Variants in SNX25 observed in about 807,000 individuals in gnomAD.
The protein encoded by SNX25 is sorting nexin-25.
In SNX25, 62 loss-of-function variants were observed where a neutral mutation model predicts 113.7. That is an observed-to-expected ratio of 0.55 (90% CI 0.44 to 0.67). The LOEUF is 0.67. Among genes scored for constraint, SNX25 ranks in the 30% least tolerant of loss-of-function variants. The pLI, the probability that SNX25 is intolerant of heterozygous loss-of-function variation, is 0.00. For missense variants in SNX25, 1,014 were observed against 1,161.0 expected, an observed-to-expected ratio of 0.87 and a Z score of 1.84; for synonymous variants, 421 against 436.2, an observed-to-expected ratio of 0.97 and a Z score of 0.43.
intron 11 of SNX25, among the ~76,000 whole-genome samples, chr4:185,340,948 C>T (rs1481791556): frequency 2.6e-5 from 4 of 152,186 alleles, no homozygotes; most frequent in East Asian, 1.9e-4. Context: ...CTAGCTGACT[C>T]ATCAGAGGTG....
chr4:185,260,140 GT>G (rs1458909305), intron 3 of SNX25, among the ~76,000 whole-genome samples: 3 of 151,526 alleles, frequency 2.0e-5, no homozygotes, highest in African/African-American at 4.9e-5. Context: ...TTTTTTTAAC[GT>G]TTTTTTAAAA....
chr4:185,315,276 G>T (rs1188222383), intron 7 of SNX25, among the ~76,000 whole-genome samples: 2 of 145,470 alleles, frequency 1.4e-5, no homozygotes, highest in Admixed American at 6.9e-5. Context: ...TCCAGACTCA[G>T]ATCATTTCAC....
chr4:185,377,088 A>G, the SNX25 span: 3 of 1,105,848 alleles, frequency 2.7e-6, no homozygotes, highest in Non-Finnish European at 2.7e-6. Flanking sequence ...GTAATGAATC[A>G]TATAAAATCC....
At position 185,338,127 on chromosome 4, in the gene SNX25, A is replaced by G. The variant is rs182857952; in HGVS notation, c.1915-1252A>G. Among the ~76,000 whole-genome samples, 438 of 152,302 alleles carry G rather than the reference A, an allele frequency of 2.9e-3. 2 individuals are homozygous for G. Among genetic ancestry groups the G allele is most frequent in the Non-Finnish European group, 4.6e-3 (311 of 68,028 alleles). On this transcript the variant is annotated intron_variant, in intron 10 of 18. Coordinates refer to ENST00000652585, the MANE Select transcript of SNX25 (RefSeq NM_001378034.2). ...ATATTTCGTGGTTTGCATTTTTACT[A>G]TATCAATAGTGTTCTTTGATGCACA...
chr4:185,342,778 A>G (rs1469273933), intron 12 of SNX25, among the ~76,000 whole-genome samples: 1 of 152,206 alleles, frequency 6.6e-6, no homozygotes, highest in Non-Finnish European at 1.5e-5. Flanking sequence ...GGAGGCAGTA[A>G]GGTGCGGTGC....
chr4:185,258,635 A>G lies in SNX25; in HGVS notation c.515-213A>G, dbSNP rs182470335. On this transcript the variant is annotated intron_variant, in intron 2 of 18. Transcript: ENST00000652585. Reference sequence around the variant, plus strand: ...ATTTTAAAATAGGGCTCTGTAGGAAAATTTAGGACATGGTCACCATACCTA... The same window carrying G: ...ATTTTAAAATAGGGCTCTGTAGGAAGATTTAGGACATGGTCACCATACCTA... 2.0e-5 allele frequency among the ~76,000 whole-genome samples: 3 copies of G among 152,296 alleles called. No homozygotes were observed. In the East Asian group the frequency reaches 5.8e-4, roughly 29 times the overall value.
chr4:185,220,934 G>A (rs979161034), intron 1 of SNX25, among the ~76,000 whole-genome samples: 1 of 152,066 alleles, frequency 6.6e-6, no homozygotes, highest in Non-Finnish European at 1.5e-5. Flanking sequence ...CACAATCATG[G>A]CTCACCGCAG....
chr4:185,319,474 C>T (rs2095103148), intron 7 of SNX25, among the ~76,000 whole-genome samples: 1 of 149,860 alleles, frequency 6.7e-6, no homozygotes, highest in African/African-American at 2.5e-5. Context: ...GCTGGGATTA[C>T]AGTCGTGAGC....
At chr4:185,228,481 C>T (rs954779268) in intron 1 of SNX25, among the ~76,000 whole-genome samples, 4 of 151,652 alleles carry the variant, frequency 2.6e-5, no homozygotes, top group East Asian at 1.9e-4. Context: ...AAGCGGGAGA[C>T]GAAATTAATT....
intron 6 of SNX25, among the ~76,000 whole-genome samples, chr4:185,295,651 C>T (rs759088655): frequency 1.3e-5 from 2 of 151,936 alleles, no homozygotes; most frequent in Non-Finnish European, 2.9e-5. Context: ...GGTTTCACCA[C>T]GTTGCTCAGG....
At chr4:185,339,655 A>G in intron 11 of SNX25, 145 bp downstream of exon 11, 6 of 1,049,102 alleles carry the variant, frequency 5.7e-6, no homozygotes, top group South Asian at 1.7e-5. Flanking sequence ...TTCCCCCACA[A>G]TTTTCACTCC....
At chr4:185,347,053 C>T (rs2126734040) in intron 13 of SNX25, among the ~76,000 whole-genome samples, 2 of 152,310 alleles carry the variant, frequency 1.3e-5, no homozygotes, top group African/African-American at 4.8e-5. Context: ...TGACTTCTTT[C>T]ACTCATTATG....
intron 11 of SNX25, among the ~76,000 whole-genome samples, chr4:185,341,041 G>A (rs1425008551): frequency 6.6e-6 from 1 of 152,132 alleles, no homozygotes; most frequent in Non-Finnish European, 1.5e-5. Context: ...CTCACAGAGT[G>A]GGTGCTCAGT....
intron 2 of SNX25, among the ~76,000 whole-genome samples, chr4:185,251,636 T>TGTGTGC (rs1418826090): frequency 5.2e-5 from 7 of 134,638 alleles, no homozygotes; most frequent in Non-Finnish European, 8.3e-5. Context: ...TGTGTGTGTG[T>TGTGTGC]GCCACATTTT....
intron 5 of SNX25, among the ~76,000 whole-genome samples, chr4:185,272,667 C>G (rs781161080): frequency 6.6e-6 from 1 of 152,196 alleles, no homozygotes; most frequent in Non-Finnish European, 1.5e-5. Context: ...ATGGAGTATT[C>G]TTCCACCTGC....
intron 14 of SNX25, 36 bp downstream of exon 14, chr4:185,351,645 T>C: frequency 6.2e-7 from 1 of 1,603,002 alleles, no homozygotes; most frequent in Non-Finnish European, 8.5e-7. Context: ...TTTTGTAGTG[T>C]ATTTCAGCAG....
At chr4:185,308,346 G>A (rs1005293593) in intron 6 of SNX25, among the ~76,000 whole-genome samples, 30 of 152,198 alleles carry the variant, frequency 2.0e-4, no homozygotes, top group Non-Finnish European at 4.0e-4. Flanking sequence ...GGCATAACTT[G>A]TAAGTAACAG....
chr4:185,338,564 A>C (rs1353674649), intron 10 of SNX25, among the ~76,000 whole-genome samples: 1 of 152,154 alleles, frequency 6.6e-6, no homozygotes, highest in Admixed American at 6.5e-5. Context: ...CTAGGATTAC[A>C]GTTGTGAGCC....
At chr4:185,292,756 CA>C (rs1361290099) in intron 6 of SNX25, among the ~76,000 whole-genome samples, 1 of 152,004 alleles carries the variant, frequency 6.6e-6, no homozygotes, top group African/African-American at 2.4e-5. Flanking sequence ...CTTGTCTCTA[CA>C]AAAAAATTTT....
Sources: gnomAD v4.1 joint callset for allele counts (sites outside exome capture counted in the v4.1 genomes callset) on GRCh38, gnomAD v4.1.1 for gene constraint, MANE v1.5 for transcripts, NCBI Gene and HGNC (gene_info 2026-07-23, HGNC 2026-07-21) for gene names.